The following SLC2A4RG variants were observed in gnomAD, a reference collection of about 807,000 sequenced individuals.
SLC2A4RG encodes GLUT4 enhancer factor.
A neutral mutation model predicts 35.5 loss-of-function variants in SLC2A4RG; 23 were observed. The observed-to-expected ratio is 0.65, with a 90% CI of 0.47 to 0.92. The LOEUF is 0.92. Ranked by LOEUF, SLC2A4RG falls within the 40% of genes least tolerant of loss-of-function variation. The pLI, the probability that SLC2A4RG is intolerant of heterozygous loss-of-function variation, is 0.00. For synonymous variants in SLC2A4RG, 306 were observed against 243.7 expected (o/e 1.26, Z -2.38); for missense variants, 539 against 525.0 (o/e 1.03, Z -0.26).
At position 63,743,735 on chromosome 20, in the gene SLC2A4RG, C is replaced by T. The variant is rs1346441197; in HGVS notation, c.*745C>T. On this transcript the variant is annotated 3_prime_UTR_variant, in exon 8 of 8. Coordinates refer to ENST00000266077, the MANE Select transcript of SLC2A4RG (RefSeq NM_020062.4). ...GCAAGGATGTCTAAGCTAATCCCGT[C>T]ACAGAAAGGAAACGCACAGGCGCCT... The T allele has an allele frequency of 2.6e-5, 4 of 152,414 alleles. No individual in the cohort carries two copies. The highest frequency in any genetic ancestry group is 2.6e-4 in the Admixed American group (4 of 15,282). The allele number at this position is 152,414 out of a possible 1,614,324, so 9.4% of individuals were successfully genotyped here.
intron 3 of SLC2A4RG, 80 bp from the exon 4 acceptor site, chr20:63,741,789 T>C: frequency 6.8e-7 from 1 of 1,467,132 alleles, no homozygotes. Context: ...TCACCGGACT[T>C]GGTGAACAGG....
chr20:63,740,386 G>T lies in SLC2A4RG; in HGVS notation c.136G>T (p.Val46Leu), dbSNP rs1368506410. The change falls in exon 2 of 8, where the codon GTG becomes TTG. Residue 46 changes from valine (V) to leucine (L), a missense_variant. By Grantham distance (32) the Val-to-Leu change is conservative (BLOSUM62 1). Coordinates refer to ENST00000266077, the MANE Select transcript of SLC2A4RG (RefSeq NM_020062.4). ...TVPTPPQGSSVGGGFAGLEFA... is the reference protein window; with the variant it reads ...TVPTPPQGSSLGGGFAGLEFA... ...CCCTCCCCATCCGCAGGGCTCTTCC[G>T]TGGGCGGCGGCTTCGCGGGCTTGGA... 22 of 1,228,286 alleles carry T rather than the reference G, an allele frequency of 1.8e-5. No individual in the cohort carries two copies. In the East Asian group the frequency reaches 5.4e-4, roughly 30 times the overall value. The allele number at this position is 1,228,286 out of a possible 1,614,324, so 76.1% of individuals were successfully genotyped here. A position where few individuals can be genotyped will look rare whatever the true frequency, so the allele number is the denominator to read the frequency against.
chr20:63,741,365 T>G lies in SLC2A4RG; in HGVS notation c.282-5T>G. 1.2e-6 allele frequency: 2 copies of G among 1,612,088 alleles called. No homozygotes were observed. Among genetic ancestry groups the G allele is most frequent in the Non-Finnish European group, 1.7e-6 (2 of 1,179,734 alleles). On this transcript the variant is annotated splice_polypyrimidine_tract_variant and splice_region_variant and intron_variant, in intron 2 of 7. Coordinates refer to ENST00000266077, the MANE Select transcript of SLC2A4RG (RefSeq NM_020062.4). ...TCACCCGCACCCCGCCCCCATCTCC[T>G]CCAGAGCCACCCCAGGAAAAGCCCG...
chr20:63,740,349 G>A (rs1191038833), intron 1 of SLC2A4RG, 28 bp from the exon 2 acceptor site: 1 of 1,219,422 alleles, frequency 8.2e-7, no homozygotes, highest in East Asian at 3.3e-5. Flanking sequence ...CACCGCCTCC[G>A]CTGAGTCTGC....
In SLC2A4RG at chr20:63,742,709, C is replaced by G. The variant is rs752597447; in HGVS notation, c.971C>G (p.Thr324Arg). The G allele has an allele frequency of 6.3e-7, 1 of 1,593,134 alleles. No homozygotes were observed. The highest frequency in any genetic ancestry group is 1.7e-5 in the Admixed American group (1 of 57,286). Residue 324 changes from threonine to arginine, a missense_variant, in exon 7 of 8, where the codon ACG (threonine) becomes AGG (arginine). Thr to Arg is a moderately conservative substitution (Grantham distance 71). Coordinates refer to ENST00000266077, the MANE Select transcript of SLC2A4RG (RefSeq NM_020062.4). ...HSDRVYQGCL[T>R]PARLEPQPTE... is the part of the protein sequence containing the mutation. ...TGTGTCTCCCTGTAGGGCTGCCTGA[C>G]GCCCGCCCGCCTGGAGCCGCAGCCC...
Position 63,742,896 on chromosome 20 carries a change from CGAA to C in SLC2A4RG, c.1075_1077del (p.Lys359del), listed in dbSNP as rs777657036. On this transcript the variant is annotated inframe_deletion, in exon 8 of 8. Coordinates refer to ENST00000266077, the MANE Select transcript of SLC2A4RG (RefSeq NM_020062.4). ...CCGCACAGGAAGCCCCGCGGCGACGCGAAGAAGTGCCGGAAGGTGTATGGCATG... is the reference window on the plus strand; with the variant it reads ...CCGCACAGGAAGCCCCGCGGCGACGCGAAGTGCCGGAAGGTGTATGGCATG... 6.4e-5 allele frequency: 103 copies of C among 1,611,852 alleles called. No homozygotes were observed. Among genetic ancestry groups the C allele is most frequent in the Admixed American group, 1.2e-4 (7 of 59,918 alleles).
chr20:63,740,743 G>T lies in SLC2A4RG; in HGVS notation c.281+212G>T, dbSNP rs185974169. Among the ~76,000 whole-genome samples the T allele has an allele frequency of 2.3e-3, 346 of 152,338 alleles. 1 individual carries two copies. The highest frequency in any genetic ancestry group is 4.3e-3 in the Non-Finnish European group (295 of 68,020). ...TCCACCGCAGTTCCTCGGGGCTAGAGCTCAGAACCCGGAGCGGGTGGCTGT... is the reference window on the plus strand; with the variant it reads ...TCCACCGCAGTTCCTCGGGGCTAGATCTCAGAACCCGGAGCGGGTGGCTGT... On this transcript the variant is annotated intron_variant, in intron 2 of 7. Transcript: ENST00000266077.
At chr20:63,741,257 C>A in intron 2 of SLC2A4RG, 113 bp from the exon 3 acceptor site, 1 of 961,444 alleles carries the variant, frequency 1.0e-6, no homozygotes. Context: ...ATGCCCAGGG[C>A]TGGGAGTGGG....
In SLC2A4RG at chr20:63,743,964, T is replaced by C. The variant is rs2092061625; in HGVS notation, c.*974T>C. On this transcript the variant is annotated 3_prime_UTR_variant, in exon 8 of 8. Transcript: ENST00000266077. Reference sequence around the variant, plus strand: ...ATTATCCCCAGAAAAAAATCAACAATCTTCAAACACTGCCCTTTTTTTGTG... The same window carrying C: ...ATTATCCCCAGAAAAAAATCAACAACCTTCAAACACTGCCCTTTTTTTGTG... 6.6e-6 allele frequency: 1 copy of C among 152,616 alleles called. No individual in the cohort carries two copies. The allele number at this position is 152,616 out of a possible 1,614,324, so 9.5% of individuals were successfully genotyped here.
In SLC2A4RG at chr20:63,742,075, C is replaced by T. The variant is rs1046808179; in HGVS notation, c.579+19C>T. ...AAGGAAGGTGAGCTTGGGGGCGGCCCCCAGGGAGGGGCGGGTGTGGCGGCT... is the reference window on the plus strand; with the variant it reads ...AAGGAAGGTGAGCTTGGGGGCGGCCTCCAGGGAGGGGCGGGTGTGGCGGCT... On this transcript the variant is annotated intron_variant, in intron 4 of 7. Transcript: ENST00000266077. 1.2e-6 allele frequency: 2 copies of T among 1,611,438 alleles called. No homozygotes were observed. Among genetic ancestry groups the T allele is most frequent in the Non-Finnish European group, 8.5e-7 (1 of 1,178,708 alleles).
rs774338818 is a variant in SLC2A4RG, at chr20:63,741,459, C to T, written c.371C>T (p.Pro124Leu). Residue 124 changes from proline to leucine, a missense_variant, in exon 3 of 8, where the codon CCG (proline) becomes CTG (leucine). Pro to Leu is a moderately conservative substitution (Grantham distance 98). Transcript: ENST00000266077. ...LSTSPLLLGA[P>L]VAAFSPEPGL... ...ACCAGCCCTCTCCTTCTGGGGGCCC[C>T]GGTTGCAGCCTTCAGCCCAGGTAAG... The T allele has an allele frequency of 6.2e-7, 1 of 1,613,470 alleles. No individual in the cohort carries two copies. The highest frequency in any genetic ancestry group is 1.7e-5 in the Admixed American group (1 of 60,012).
Position 63,742,928 on chromosome 20 carries a change from CG to C in SLC2A4RG, c.1103del (p.Arg368ProfsTer43). ...GTGCCGGAAGGTGTATGGCATGGAG[CG>C]CCGGGACCTCTGGTGCACAGCCTGC... is the stretch of plus-strand genomic sequence containing the variant. ...KKCRKVYGMERRDLWCTACRW... is the reference protein window; with the variant it reads ...KKCRKVYGMEXRDLWCTACRW... On this transcript the variant is annotated frameshift_variant, in exon 8 of 8. Transcript: ENST00000266077. LOFTEE classifies it high-confidence loss of function. 6.2e-7 allele frequency: 1 copy of C among 1,612,482 alleles called. No individual in the cohort carries two copies. The highest frequency in any genetic ancestry group is 8.5e-7 in the Non-Finnish European group (1 of 1,179,698).
In SLC2A4RG at chr20:63,742,468, T is replaced by C. The variant is rs538894251; in HGVS notation, c.813T>C (p.Pro271=). The part of the protein sequence containing the change: ...TPVSPTASMP[P]AFPRLELPEL... The stretch of plus-strand genomic sequence containing the variant: ...TGTCCCCCACGGCCTCCATGCCGCC[T>C]GCCTTCCCCCGCCTGGAGCTGCCAG... The change falls in exon 6 of 8, where the codon CCT becomes CCC. Residue 271 remains proline, a synonymous_variant. Coordinates refer to ENST00000266077, the MANE Select transcript of SLC2A4RG (RefSeq NM_020062.4). 4 of 1,592,788 alleles carry C rather than the reference T, an allele frequency of 2.5e-6. No individual in the cohort carries two copies. Among genetic ancestry groups the C allele is most frequent in the Non-Finnish European group, 3.4e-6 (4 of 1,170,362 alleles).
At chr20:63,741,266 G>A in intron 2 of SLC2A4RG, 104 bp from the exon 3 acceptor site, 1 of 1,037,368 alleles carries the variant, frequency 9.6e-7, no homozygotes, top group Admixed American at 1.9e-5. Flanking sequence ...GCTGGGAGTG[G>A]GGAGCCTGGT....
chr20:63,742,226 C>G lies in SLC2A4RG; in HGVS notation c.676C>G (p.Leu226Val), dbSNP rs1198242624. 1 of 1,594,080 alleles carries G rather than the reference C, an allele frequency of 6.3e-7. No individual in the cohort carries two copies. The highest frequency in any genetic ancestry group is 1.3e-5 in the African/African-American group (1 of 74,438). ...GCAGAGACACATCCGCCTGGTGCACCTGGGGTGCGGCGGGGCCTGGGGTGC... is the reference window on the plus strand; with the variant it reads ...GCAGAGACACATCCGCCTGGTGCACGTGGGGTGCGGCGGGGCCTGGGGTGC... Reference protein sequence around the residue: ...AMQRHIRLVHLGRQAEPEQSD... With the variant: ...AMQRHIRLVHVGRQAEPEQSD... Residue 226 changes from leucine to valine, a missense_variant, in exon 5 of 8, where the codon CTG becomes GTG. By Grantham distance (32) the Leu-to-Val change is conservative. Coordinates refer to ENST00000266077, the MANE Select transcript of SLC2A4RG (RefSeq NM_020062.4).
chr20:63,742,685 G>A lies in SLC2A4RG; in HGVS notation c.961-14G>A. On this transcript the variant is annotated splice_polypyrimidine_tract_variant and intron_variant, in intron 6 of 7. Transcript: ENST00000266077. Reference sequence around the variant, plus strand: ...TCTGGAGGGGAGTGAAGCCCTGGCTGTGTCTCCCTGTAGGGCTGCCTGACG... The same window carrying A: ...TCTGGAGGGGAGTGAAGCCCTGGCTATGTCTCCCTGTAGGGCTGCCTGACG... The A allele has an allele frequency of 6.3e-7, 1 of 1,596,276 alleles. No individual in the cohort carries two copies. Among genetic ancestry groups the A allele is most frequent in the Non-Finnish European group, 8.5e-7 (1 of 1,171,306 alleles).
At chr20:63,741,630 C>CA in intron 3 of SLC2A4RG, 151 bp downstream of exon 3, 2 of 1,128,026 alleles carry the variant, frequency 1.8e-6, no homozygotes, top group Non-Finnish European at 2.5e-6. Context: ...CTACTGAGGC[C>CA]AAAGCGGCAG....
At position 63,742,599 on chromosome 20, in the gene SLC2A4RG, G is replaced by A. The variant is rs1222320501; in HGVS notation, c.944G>A (p.Ser315Asn). ...GTTGCTAACCCCCAGTCCTGTCACA[G>A]TGACCGTGTCTACCAGGTGGGTGAG... is the stretch of plus-strand genomic sequence containing the variant. ...STVANPQSCH[S>N]DRVYQGCLTP... The change falls in exon 6 of 8, where the codon AGT becomes AAT. Residue 315 changes from serine to asparagine, a missense_variant. By Grantham distance (46) the Ser-to-Asn change is conservative (BLOSUM62 1). Transcript: ENST00000266077. 1 of 1,576,368 alleles carries A rather than the reference G, an allele frequency of 6.3e-7. No individual in the cohort carries two copies. The highest frequency in any genetic ancestry group is 1.7e-5 in the Admixed American group (1 of 58,140).
chr20:63,741,722 G>A (rs945921611), intron 3 of SLC2A4RG, 147 bp from the exon 4 acceptor site: 32 of 1,411,140 alleles, frequency 2.3e-5, no homozygotes, highest in Non-Finnish European at 3.0e-5. Context: ...CCTGTGCCGG[G>A]GGGGTTTCTC....
Sources: allele counts gnomAD v4.1 joint callset (sites outside exome capture counted in the v4.1 genomes callset), GRCh38; gene constraint gnomAD v4.1.1; transcripts MANE v1.5; gene names NCBI Gene and HGNC (gene_info 2026-07-23, HGNC 2026-07-21).